Variants in ATG10 observed in about 807,000 individuals in gnomAD.
ATG10 encodes the protein autophagy related 10, also known as ubiquitin-like-conjugating enzyme ATG10.
ATG10 carries 30 observed loss-of-function variants against 32.1 expected under a neutral mutation model. The ratio of observed to expected loss-of-function variants is 0.94; its 90% CI spans 0.70 to 1.27. The LOEUF is 1.27. ATG10 is among the 50% of genes most tolerant of loss of function. The pLI is 0.00. For missense variants in ATG10, 233 were observed against 262.3 expected (o/e 0.89, Z 0.77); for synonymous variants, 87 against 91.5 (o/e 0.95, Z 0.28).
chr5:82,020,396 G>A (rs1762403217), intron 2 of ATG10, among the ~76,000 whole-genome samples: 1 of 152,172 alleles, frequency 6.6e-6, no homozygotes, highest in African/African-American at 2.4e-5. Flanking sequence ...CTAATAATTG[G>A]AAGCATCTAA....
intron 3 of ATG10, among the ~76,000 whole-genome samples, chr5:82,146,886 A>G (rs548765756): frequency 6.6e-6 from 1 of 152,194 alleles, no homozygotes; most frequent in Non-Finnish European, 1.5e-5. Flanking sequence ...CATTTTCAAC[A>G]TCTAGATAAC....
intron 5 of ATG10, among the ~76,000 whole-genome samples, chr5:82,206,431 A>G (rs12054757): frequency 0.11 from 16,584 of 152,030 alleles, 1,174 homozygotes; most frequent in African/African-American, 0.2. Flanking sequence ...GCGGATCACA[A>G]GGTCAGGAGA....
chr5:82,156,278 A>G (rs933253688), intron 3 of ATG10, among the ~76,000 whole-genome samples: 2 of 152,196 alleles, frequency 1.3e-5, no homozygotes, highest in African/African-American at 4.8e-5. Context: ...ACAAAAGTAA[A>G]GAATCACAAA....
At chr5:81,993,337 T>TTC (rs1761525458) in intron 2 of ATG10, among the ~76,000 whole-genome samples, 1 of 36,516 alleles carries the variant, frequency 2.7e-5, no homozygotes. Flanking sequence ...CCTTCCTTCC[T>TTC]TCTTTCTTTC....
At chr5:82,024,249 C>T (rs1252072515) in intron 2 of ATG10, among the ~76,000 whole-genome samples, 1 of 151,944 alleles carries the variant, frequency 6.6e-6, no homozygotes, top group African/African-American at 2.4e-5. Context: ...TTCTGTCTTC[C>T]AGCTTCTTTC....
chr5:82,132,148 G>A (rs564929106), intron 3 of ATG10, among the ~76,000 whole-genome samples: 11 of 152,176 alleles, frequency 7.2e-5, no homozygotes, highest in Non-Finnish European at 1.5e-4. Context: ...CAAATCATTA[G>A]TCTTATTTAT....
At chr5:82,206,366 C>T (rs1204253170) in intron 5 of ATG10, among the ~76,000 whole-genome samples, 2 of 151,948 alleles carry the variant, frequency 1.3e-5, no homozygotes, top group African/African-American at 4.8e-5. Context: ...AAAAACTTCT[C>T]ACCGGGCGCG....
At chr5:81,989,214 C>T (rs753933381) in intron 2 of ATG10, among the ~76,000 whole-genome samples, 4 of 152,186 alleles carry the variant, frequency 2.6e-5, no homozygotes, top group Non-Finnish European at 4.4e-5. Context: ...ACCCGGTTCC[C>T]GAAAAGTGAT....
At chr5:82,121,270 C>T (rs987844030) in intron 3 of ATG10, among the ~76,000 whole-genome samples, 9 of 152,138 alleles carry the variant, frequency 5.9e-5, no homozygotes, top group Non-Finnish European at 1.3e-4. Flanking sequence ...GCCCTCTTCA[C>T]ACGTTTTCTA....
chr5:82,118,417 T>TATATATATATATATG (rs1472778722), intron 3 of ATG10, among the ~76,000 whole-genome samples: 1 of 141,200 alleles, frequency 7.1e-6, no homozygotes, highest in Admixed American at 7.1e-5. Flanking sequence ...TATGTATATA[T>TATATATATATATATG]TCCCTAGCAC....
chr5:82,181,831 A>G (rs1744248726), intron 5 of ATG10, among the ~76,000 whole-genome samples: 1 of 152,126 alleles, frequency 6.6e-6, no homozygotes, highest in South Asian at 2.1e-4. Flanking sequence ...TCTTGATGAT[A>G]AGGACCTATT....
intron 5 of ATG10, among the ~76,000 whole-genome samples, chr5:82,191,702 G>A (rs1229280970): frequency 2.6e-5 from 4 of 152,200 alleles, no homozygotes; most frequent in East Asian, 3.9e-4. Flanking sequence ...TTCTCAAAAC[G>A]GTATTGTATT....
chr5:82,096,642 A>G (rs1765075081), intron 3 of ATG10, among the ~76,000 whole-genome samples: 1 of 152,180 alleles, frequency 6.6e-6, no homozygotes, highest in Admixed American at 6.6e-5. Flanking sequence ...AATGGGGCCC[A>G]TCTGTCTATA....
chr5:82,233,976 C>T (rs571177637), intron 5 of ATG10, among the ~76,000 whole-genome samples: 1 of 152,252 alleles, frequency 6.6e-6, no homozygotes, highest in Admixed American at 6.5e-5. Flanking sequence ...AAGGGTGATA[C>T]ATTTGTGGAG....
At chr5:82,127,551 C>T (rs191802215) in intron 3 of ATG10, among the ~76,000 whole-genome samples, 35 of 152,250 alleles carry the variant, frequency 2.3e-4, no homozygotes, top group African/African-American at 7.9e-4. Flanking sequence ...GCCCAGTGGT[C>T]ATTCAGGAGC....
intron 3 of ATG10, among the ~76,000 whole-genome samples, chr5:82,119,055 G>A (rs1030353993): frequency 6.6e-6 from 1 of 152,160 alleles, no homozygotes; most frequent in Non-Finnish European, 1.5e-5. Flanking sequence ...TTTGAACTAT[G>A]TTAATTGATA....
At chr5:82,006,879 G>A (rs928061253) in intron 2 of ATG10, among the ~76,000 whole-genome samples, 1 of 152,134 alleles carries the variant, frequency 6.6e-6, no homozygotes, top group African/African-American at 2.4e-5. Flanking sequence ...TTTTGAGACA[G>A]AGTCTCGCTC....
chr5:82,136,822 A>C (rs1235571730), intron 3 of ATG10, among the ~76,000 whole-genome samples: 1 of 152,116 alleles, frequency 6.6e-6, no homozygotes, highest in Non-Finnish European at 1.5e-5. Flanking sequence ...ACTTGGTTCC[A>C]TTCTTCCCGT....
At chr5:82,153,944 G>A (rs1457710557) in intron 3 of ATG10, among the ~76,000 whole-genome samples, 2 of 144,280 alleles carry the variant, frequency 1.4e-5, no homozygotes, top group African/African-American at 2.6e-5. Flanking sequence ...GAGACAGGGT[G>A]TCACTCTGTT....
Sources: allele counts gnomAD v4.1 joint callset (sites outside exome capture counted in the v4.1 genomes callset), GRCh38; gene constraint gnomAD v4.1.1; transcripts MANE v1.5; gene names NCBI Gene and HGNC (gene_info 2026-07-23, HGNC 2026-07-21).